LAMP1: variants seen among roughly 807,000 people sequenced by gnomAD.
The protein encoded by LAMP1 is lysosome-associated membrane glycoprotein 1.
A neutral mutation model predicts 37.5 loss-of-function variants in LAMP1; 7 were observed. The ratio of observed to expected loss-of-function variants is 0.19; its 90% CI spans 0.11 to 0.35. LAMP1 has a LOEUF of 0.35. LAMP1 is among the 10% of genes least tolerant of loss of function. LAMP1 has a pLI of 1.00. For missense variants in LAMP1, 537 were observed against 552.8 expected, an observed-to-expected ratio of 0.97 and a Z score of 0.29; for synonymous variants, 236 against 229.1, an observed-to-expected ratio of 1.03 and a Z score of -0.27.
In LAMP1 at chr13:113,320,856, G is replaced by A. The variant is rs367817723; in HGVS notation, c.876+386G>A. The A allele has an allele frequency of 3.4e-5, 8 of 232,240 alleles. No homozygotes were observed. Among genetic ancestry groups the A allele is most frequent in the East Asian group, 1.0e-4 (1 of 9,962 alleles). The allele number at this position is 232,240 out of a possible 1,614,324, so 14.4% of individuals were successfully genotyped here. A position where few individuals can be genotyped will look rare whatever the true frequency, so the allele number is the denominator to read the frequency against. ...TGTCACTTGTCAGTCTTTTTAAATC[G>A]CTGTGCAAATGAATTAACAGTTCAG... is the stretch of plus-strand genomic sequence containing the variant. On this transcript the variant is annotated intron_variant, in intron 6 of 8. Coordinates refer to ENST00000332556, the MANE Select transcript of LAMP1 (RefSeq NM_005561.4). This position sits in a 1 kb window ranked among gnomAD's most constrained non-coding sequence, Gnocchi z 4.4.
intron 4 of LAMP1, among the ~76,000 whole-genome samples, chr13:113,314,456 G>A (rs1163149552): frequency 4.3e-5 from 4 of 93,656 alleles, no homozygotes; most frequent in Non-Finnish European, 7.8e-5. Context: ...CTGGGGCGTG[G>A]CCTCCTGGAG....
intron 1 of LAMP1, among the ~76,000 whole-genome samples, chr13:113,301,433 C>T (rs2042570499): frequency 6.6e-6 from 1 of 151,676 alleles, no homozygotes; most frequent in Non-Finnish European, 1.5e-5. Context: ...CCAGCCTGGG[C>T]AATATGGTGA....
At chr13:113,311,553 G>C (rs1381819304) in intron 4 of LAMP1, among the ~76,000 whole-genome samples, 4 of 152,168 alleles carry the variant, frequency 2.6e-5, no homozygotes, top group Non-Finnish European at 5.9e-5. Flanking sequence ...ATCCAGCTCT[G>C]GCCGGCCAGC....
chr13:113,322,377 C>CTT lies in LAMP1; in HGVS notation c.1211_1212insTT (p.Val405SerfsTer68). On this transcript the variant is annotated frameshift_variant, in exon 9 of 9. Transcript: ENST00000332556. LOFTEE classifies it high-confidence loss of function. ...GGTCCTCATCGTCCTCATCGCCTACCTCGTCGGCAGGAAGAGGAGTCACGC... is the reference window on the plus strand; with the variant it reads ...GGTCCTCATCGTCCTCATCGCCTACCTTTCGTCGGCAGGAAGAGGAGTCACGC... 6.2e-7 allele frequency: 1 copy of CTT among 1,605,212 alleles called. No individual in the cohort carries two copies. Among genetic ancestry groups the CTT allele is most frequent in the South Asian group, 1.1e-5 (1 of 89,920 alleles).
At chr13:113,314,727 C>T (rs866977881) in intron 4 of LAMP1, among the ~76,000 whole-genome samples, 1 of 986 alleles carries the variant, frequency 1.0e-3, no homozygotes, top group African/African-American at 0.029. Context: ...TGGAGATGCC[C>T]GTGTGCCTGG....
chr13:113,319,918 C>T (rs1862970674), intron 5 of LAMP1, among the ~76,000 whole-genome samples: 1 of 152,238 alleles, frequency 6.6e-6, no homozygotes, highest in Non-Finnish European at 1.5e-5. Context: ...GCCCACAGAG[C>T]CTACAACTTG....
intron 4 of LAMP1, among the ~76,000 whole-genome samples, chr13:113,312,109 T>G (rs925870749): frequency 1.3e-5 from 2 of 152,062 alleles, no homozygotes; most frequent in African/African-American, 2.4e-5. Context: ...GGCTGAGGAG[T>G]GACTGCTGGG....
Position 113,321,782 on chromosome 13 carries a change from C to T in LAMP1, c.1114+55C>T, listed in dbSNP as rs565453700. 4.8e-5 allele frequency: 75 copies of T among 1,553,100 alleles called. No individual in the cohort carries two copies. The highest frequency in any genetic ancestry group is 1.4e-4 in the Admixed American group (8 of 59,230). On this transcript the variant is annotated intron_variant, in intron 8 of 8. Coordinates refer to ENST00000332556, the MANE Select transcript of LAMP1 (RefSeq NM_005561.4). This position sits in a 1 kb window ranked among gnomAD's most constrained non-coding sequence, Gnocchi z 5.6. The stretch of plus-strand genomic sequence containing the variant: ...GGTGTGGAGGACGTGCTTCAGACTC[C>T]GCCTGTGGACGTTTAGTCGCTTCCG...
intron 1 of LAMP1, among the ~76,000 whole-genome samples, chr13:113,298,637 T>C (rs2042555093): frequency 6.6e-6 from 1 of 152,224 alleles, no homozygotes; most frequent in African/African-American, 2.4e-5. Context: ...GCCTGTTGTG[T>C]AAAATGAATT....
At chr13:113,298,470 A>T (rs1171465237) in intron 1 of LAMP1, among the ~76,000 whole-genome samples, 1 of 145,216 alleles carries the variant, frequency 6.9e-6, no homozygotes, top group Admixed American at 6.9e-5. Context: ...CTGAAAGGTG[A>T]TGTAGAATCA....
At position 113,297,322 on chromosome 13, in the gene LAMP1, T is replaced by C; in HGVS notation, c.-113T>C. On this transcript the variant is annotated 5_prime_UTR_variant, in exon 1 of 9. Coordinates refer to ENST00000332556, the MANE Select transcript of LAMP1 (RefSeq NM_005561.4). This position sits in a 1 kb window ranked among gnomAD's most constrained non-coding sequence, Gnocchi z 4.4. The stretch of plus-strand genomic sequence containing the variant: ...CCTCTTGCGTCTGGTAACGCCGCTG[T>C]CTCTAACGCCAGCCCTTGGCGCCCG... The C allele has an allele frequency of 5.2e-6, 1 of 193,756 alleles. No homozygotes were observed. 12.0% of individuals were successfully genotyped at this position (193,756 alleles called of 1,614,324 possible).
intron 5 of LAMP1, among the ~76,000 whole-genome samples, chr13:113,319,996 A>G (rs1359339630): frequency 3.3e-5 from 5 of 152,198 alleles, no homozygotes; most frequent in Non-Finnish European, 7.3e-5. Context: ...ACATTTTTAT[A>G]GTTTTCTTTT....
chr13:113,313,781 A>G (rs1216505618), intron 4 of LAMP1, among the ~76,000 whole-genome samples: 133 of 50,084 alleles, frequency 2.7e-3, no homozygotes, highest in Admixed American at 3.5e-3. Context: ...TGCCTGGGGC[A>G]TGGCCTCCTG....
intron 3 of LAMP1, among the ~76,000 whole-genome samples, 184 bp from the exon 4 acceptor site, chr13:113,310,525 C>CA (rs1272343517): frequency 2.0e-5 from 3 of 149,734 alleles, no homozygotes; most frequent in South Asian, 2.1e-4. Context: ...GACTCTGTCT[C>CA]AAAAAAAATA....
At chr13:113,315,193 G>T (rs1486355280) in intron 4 of LAMP1, among the ~76,000 whole-genome samples, 1 of 147,446 alleles carries the variant, frequency 6.8e-6, no homozygotes, top group Non-Finnish European at 1.5e-5. Context: ...GAGGGAGTCA[G>T]TGTGGAGATG....
At chr13:113,302,752 G>A (rs999692324) in intron 1 of LAMP1, among the ~76,000 whole-genome samples, 4 of 152,136 alleles carry the variant, frequency 2.6e-5, no homozygotes, top group Admixed American at 6.6e-5. Flanking sequence ...TTGGAAGCCC[G>A]TTCCCTCAGT....
chr13:113,315,819 G>T (rs908016395), intron 4 of LAMP1, among the ~76,000 whole-genome samples: 1 of 152,068 alleles, frequency 6.6e-6, no homozygotes, highest in African/African-American at 2.4e-5. Context: ...TAGGGCACAT[G>T]TGGCTGGGCA....
intron 5 of LAMP1, among the ~76,000 whole-genome samples, chr13:113,319,921 A>G (rs2042688249): frequency 6.6e-6 from 1 of 152,276 alleles, no homozygotes; most frequent in Non-Finnish European, 1.5e-5. Context: ...CACAGAGCCT[A>G]CAACTTGGCC....
chr13:113,304,796 A>C (rs2042590301), intron 1 of LAMP1: 1 of 152,012 alleles, frequency 6.6e-6, no homozygotes, highest in Admixed American at 6.6e-5. Context: ...ACCTGGGATT[A>C]CAGGCGCCTG....
Sources: gnomAD v4.1 joint callset for allele counts (sites outside exome capture counted in the v4.1 genomes callset) on GRCh38, gnomAD v4.1.1 for gene constraint, Gnocchi (gnomAD v3.1) non-coding constraint, MANE v1.5 for transcripts, NCBI Gene and HGNC (gene_info 2026-07-23, HGNC 2026-07-21) for gene names.